TUT4: variants seen among roughly 807,000 people sequenced by gnomAD.
The protein encoded by TUT4 is terminal uridylyl transferase 4.
A neutral mutation model predicts 192.2 loss-of-function variants in TUT4; 36 were observed. That is an observed-to-expected ratio of 0.19 (90% CI 0.14 to 0.25). TUT4 has a LOEUF of 0.25. Ranked by LOEUF, TUT4 falls within the 10% of genes least tolerant of loss-of-function variation. TUT4 has a pLI of 1.00. For missense variants in TUT4, 1,493 were observed against 1,957.2 expected (o/e 0.76, Z 4.47); for synonymous variants, 618 against 666.0 (o/e 0.93, Z 1.11).
Position 52,461,714 on chromosome 1 carries a change from G to T in TUT4, c.3125C>A (p.Pro1042Gln). Residue 1042 changes from proline to glutamine, a missense_variant and splice_region_variant, in exon 17 of 30, where the codon CCA (proline) becomes CAA (glutamine). By Grantham distance (76) the Pro-to-Gln change is moderately conservative (BLOSUM62 -1). This residue lies in a region of TUT4 where 141 missense variants were observed against 382.7 expected (regional missense o/e 0.37). Transcript: ENST00000257177. ...CAGATAAGATTCAAAATTCATACCT[G>T]GATGTCTCTTAAGAATTTTTGCCAA... Reference protein sequence around the residue: ...ENLAKILKRHPGLRNILPITT... With the variant: ...ENLAKILKRHQGLRNILPITT... 1.3e-6 allele frequency: 2 copies of T among 1,513,408 alleles called. No individual in the cohort carries two copies. The highest frequency in any genetic ancestry group is 2.5e-5 in the South Asian group (2 of 81,232). 93.7% of individuals were successfully genotyped at this position (1,513,408 alleles called of 1,614,324 possible).
intron 19 of TUT4, among the ~76,000 whole-genome samples, chr1:52,460,318 C>T (rs1241423078): frequency 6.6e-6 from 1 of 152,084 alleles, no homozygotes; most frequent in Non-Finnish European, 1.5e-5. Flanking sequence ...CCCGTCTCTA[C>T]TAAAAATACA....
chr1:52,438,761 A>T (rs1335514010), intron 24 of TUT4, among the ~76,000 whole-genome samples: 1 of 152,172 alleles, frequency 6.6e-6, no homozygotes, highest in African/African-American at 2.4e-5. Context: ...CTGGAAAGGA[A>T]TTATTCTCTG....
In TUT4 at chr1:52,436,634, T is replaced by C. The variant is rs1197811437; in HGVS notation, c.4162+121A>G. On this transcript the variant is annotated intron_variant, in intron 26 of 29. Transcript: ENST00000257177. ...GTCTAAATTTTATCTCTTTAAGAAA[T>C]TGTAAGGTCCAAAATCATACAATTA... 3.4e-6 allele frequency: 5 copies of C among 1,467,518 alleles called. 1 individual carries two copies. Among genetic ancestry groups the C allele is most frequent in the Non-Finnish European group, 4.6e-6 (5 of 1,092,212 alleles). 90.9% of individuals were successfully genotyped at this position (1,467,518 alleles called of 1,614,324 possible).
intron 9 of TUT4, 137 bp from the exon 10 acceptor site, chr1:52,482,060 T>A: frequency 1.7e-6 from 1 of 596,642 alleles, no homozygotes; most frequent in Non-Finnish European, 2.6e-6. Context: ...ACTTGAAATA[T>A]CATCACTCTA....
At chr1:52,497,464 A>G (rs765836518) in intron 4 of TUT4, among the ~76,000 whole-genome samples, 23 of 152,218 alleles carry the variant, frequency 1.5e-4, no homozygotes, top group Non-Finnish European at 3.1e-4. Flanking sequence ...ATTAAAGCCA[A>G]GGTACCTTAA....
chr1:52,425,843 G>A (rs1348452728), intron 28 of TUT4, among the ~76,000 whole-genome samples: 1 of 147,960 alleles, frequency 6.8e-6, no homozygotes, highest in African/African-American at 2.5e-5. Context: ...TAGAAAACAA[G>A]GAAAAATTTA....
intron 13 of TUT4, 66 bp from the exon 14 acceptor site, chr1:52,472,168 A>G: frequency 7.0e-7 from 1 of 1,419,888 alleles, no homozygotes; most frequent in Non-Finnish European, 9.6e-7. Context: ...TTAGGAAGTG[A>G]ATTCAAAACA....
chr1:52,472,812 T>C (rs570091971), intron 13 of TUT4, among the ~76,000 whole-genome samples: 26 of 152,080 alleles, frequency 1.7e-4, no homozygotes, highest in African/African-American at 5.8e-4. Context: ...AACACATATG[T>C]TTAAAAAACA....
At chr1:52,525,231 G>T (rs1055942223) in intron 2 of TUT4, among the ~76,000 whole-genome samples, 3 of 152,146 alleles carry the variant, frequency 2.0e-5, no homozygotes, top group Admixed American at 6.6e-5. Flanking sequence ...CATATTTGGT[G>T]AATGAATGAG....
At chr1:52,546,600 A>G (rs1463440645) in intron 1 of TUT4, among the ~76,000 whole-genome samples, 2 of 152,176 alleles carry the variant, frequency 1.3e-5, no homozygotes, top group African/African-American at 4.8e-5. Flanking sequence ...GGTTATAGGG[A>G]TGGATGGTGA....
At chr1:52,465,013 C>T (rs1663726513) in intron 16 of TUT4, 57 bp downstream of exon 16, 3 of 1,346,096 alleles carry the variant, frequency 2.2e-6, no homozygotes, top group African/African-American at 1.5e-5. Context: ...CAAAAATAAA[C>T]ATAGAATCGT....
chr1:52,515,493 G>C (rs1678485516), intron 3 of TUT4: 1 of 280,826 alleles, frequency 3.6e-6, no homozygotes, highest in Non-Finnish European at 6.6e-6. Flanking sequence ...TAAGCTCTGT[G>C]ACAACTACTC....
chr1:52,503,027 G>A (rs1461367185), intron 4 of TUT4, among the ~76,000 whole-genome samples: 1 of 152,126 alleles, frequency 6.6e-6, no homozygotes, highest in Non-Finnish European at 1.5e-5. Flanking sequence ...CAGATGTTAT[G>A]TCATTTAATT....
At chr1:52,512,732 G>C (rs769138523) in intron 3 of TUT4, among the ~76,000 whole-genome samples, 2 of 152,088 alleles carry the variant, frequency 1.3e-5, no homozygotes, top group Non-Finnish European at 2.9e-5. Flanking sequence ...AGATTTCTGG[G>C]TATTTCCAAC....
intron 4 of TUT4, among the ~76,000 whole-genome samples, chr1:52,498,679 G>T: frequency 6.6e-6 from 1 of 151,540 alleles, no homozygotes; most frequent in African/African-American, 2.4e-5. Context: ...TTAAGGTCAG[G>T]AGATGCAGAC....
intron 20 of TUT4, among the ~76,000 whole-genome samples, chr1:52,447,694 A>T (rs1247724517): frequency 6.6e-6 from 1 of 152,214 alleles, no homozygotes; most frequent in African/African-American, 2.4e-5. Flanking sequence ...GCAATAAAGT[A>T]GGAAGGTGCA....
At chr1:52,450,420 G>C (rs1482049641) in intron 20 of TUT4, among the ~76,000 whole-genome samples, 2 of 152,104 alleles carry the variant, frequency 1.3e-5, no homozygotes, top group African/African-American at 2.4e-5. Context: ...TCCATGAACT[G>C]TCTCTTGTTT....
chr1:52,518,598 G>A (rs927022893), intron 2 of TUT4, among the ~76,000 whole-genome samples: 4 of 152,136 alleles, frequency 2.6e-5, no homozygotes, highest in Admixed American at 6.5e-5. Context: ...ATGAATTTGG[G>A]AGGGGACATA....
At chr1:52,503,833 C>T (rs1171751958) in intron 4 of TUT4, among the ~76,000 whole-genome samples, 1 of 152,166 alleles carries the variant, frequency 6.6e-6, no homozygotes, top group Non-Finnish European at 1.5e-5. Flanking sequence ...TCTACTCATT[C>T]ACCAATCTAT....
Sources: gnomAD v4.1 joint callset for allele counts (sites outside exome capture counted in the v4.1 genomes callset) on GRCh38, gnomAD v4.1.1 for gene constraint, gnomAD v4.1.1 regional missense constraint, MANE v1.5 for transcripts, NCBI Gene and HGNC (gene_info 2026-07-23, HGNC 2026-07-21) for gene names.